The following NUP214 variants were observed in gnomAD, a reference collection of about 807,000 sequenced individuals.
NUP214 encodes the protein nucleoporin 214.
NUP214 carries 79 observed loss-of-function variants against 196.2 expected under a neutral mutation model. That is an observed-to-expected ratio of 0.40 (90% confidence interval 0.34 to 0.49). NUP214 has a LOEUF of 0.49. Ranked by LOEUF, NUP214 falls within the 20% of genes least tolerant of loss-of-function variation. The probability of loss-of-function intolerance (pLI) is 0.58; values close to 1 mark genes in which losing one functional copy is unlikely to be tolerated. For missense variants in NUP214, 2,468 were observed against 2,539.0 expected (o/e 0.97, Z 0.60); for synonymous variants, 1,020 against 990.5 (o/e 1.03, Z -0.56).
chr9:131,136,425 G>A (rs770887109), intron 9 of NUP214: 5 of 159,054 alleles, frequency 3.1e-5, no homozygotes, highest in Admixed American at 6.0e-5. Context: ...GGAGAAACAC[G>A]GGTGTCAGAC....
intron 8 of NUP214, 158 bp downstream of exon 8, chr9:131,135,162 TCA>T: frequency 1.8e-6 from 1 of 554,888 alleles, no homozygotes; most frequent in Non-Finnish European, 3.2e-6. Flanking sequence ...CGATTGTAGC[TCA>T]CAGAAGCCTG....
rs564551178 is a variant in NUP214 at position 131,187,267 on chromosome 9, G to A, written c.3420-22G>A. The A allele has an allele frequency of 5.6e-6, 9 of 1,606,768 alleles. No homozygotes were observed. In the African/African-American group the frequency reaches 8.0e-5, roughly 14 times the overall value. On this transcript the variant is annotated intron_variant, in intron 24 of 35. Coordinates refer to ENST00000359428, the MANE Select transcript of NUP214 (RefSeq NM_005085.4). Reference sequence around the variant, plus strand: ...TACCTAGTCATGCCTTTCTCTGAGTGTATGCTTTGTGTGTTTTTCAGTTCT... The same window carrying A: ...TACCTAGTCATGCCTTTCTCTGAGTATATGCTTTGTGTGTTTTTCAGTTCT...
chr9:131,200,358 T>C (rs959384204), intron 29 of NUP214, among the ~76,000 whole-genome samples: 3 of 152,316 alleles, frequency 2.0e-5, no homozygotes, highest in Non-Finnish European at 1.5e-5. Flanking sequence ...GGGGAATCAC[T>C]TGAGGTCAGG....
chr9:131,181,337 T>A (rs1159308411), intron 24 of NUP214, among the ~76,000 whole-genome samples: 1 of 152,170 alleles, frequency 6.6e-6, no homozygotes, highest in Non-Finnish European at 1.5e-5. Context: ...CAGTGTCTGT[T>A]TGAGTCCCTG....
intron 1 of NUP214, chr9:131,126,443 T>C (rs894771839): frequency 6.6e-6 from 1 of 152,242 alleles, no homozygotes; most frequent in African/African-American, 2.4e-5. Context: ...CTACATCTGT[T>C]TTAAATAGTG....
Position 131,189,131 on chromosome 9 carries a change from G to A in NUP214, c.3574G>A (p.Gly1192Arg). The stretch of plus-strand genomic sequence containing the variant: ...GTTATCATCTGGTGACAAAGCTTCA[G>A]GTCAGTTTGCATTTTTGTTTTCTTG... ...GQLSSGDKAS[G>R]TAKIETAVTS... Residue 1192 changes from glycine (G) to arginine (R), a missense_variant and splice_region_variant, in exon 26 of 36, where the codon GGG becomes AGG. Physicochemically the swap from Gly to Arg is moderately radical, Grantham distance 125. Coordinates refer to ENST00000359428, the MANE Select transcript of NUP214 (RefSeq NM_005085.4). 1 of 1,613,656 alleles carries A rather than the reference G, an allele frequency of 6.2e-7. No homozygotes were observed. The highest frequency in any genetic ancestry group is 8.5e-7 in the Non-Finnish European group (1 of 1,179,662).
At chr9:131,231,055 G>A (rs569429692) in intron 34 of NUP214, among the ~76,000 whole-genome samples, 20 of 152,228 alleles carry the variant, frequency 1.3e-4, no homozygotes, top group African/African-American at 4.3e-4. Context: ...CCAGCTACTC[G>A]GGAGGCTGAA....
chr9:131,228,456 C>A, intron 33 of NUP214, 125 bp downstream of exon 33: 2 of 882,430 alleles, frequency 2.3e-6, no homozygotes, highest in South Asian at 2.0e-5. Context: ...AATTTGTGAA[C>A]AACTCCCTCA....
At position 131,203,849 on chromosome 9, in the gene NUP214, T is replaced by C. The variant is rs114482263; in HGVS notation, c.5592+2132T>C. Among the ~76,000 whole-genome samples the C allele has an allele frequency of 4.5e-3, 681 of 152,324 alleles. 8 individuals carry two copies. The highest frequency in any genetic ancestry group is 0.016 in the African/African-American group (662 of 41,574). On this transcript the variant is annotated intron_variant, in intron 30 of 35. Transcript: ENST00000359428. Reference sequence around the variant, plus strand: ...TGTGCCCTGACAGCATTTACTAATCTGAGAAAATGTGAATTTTCTATTTAA... The same window carrying C: ...TGTGCCCTGACAGCATTTACTAATCCGAGAAAATGTGAATTTTCTATTTAA...
chr9:131,132,929 A>G, intron 6 of NUP214, 177 bp from the exon 7 acceptor site: 3 of 626,256 alleles, frequency 4.8e-6, no homozygotes, highest in Non-Finnish European at 2.8e-6. Flanking sequence ...AAAAATTACC[A>G]TTTGGGGATG....
chr9:131,180,268 A>G (rs914010494), intron 24 of NUP214, among the ~76,000 whole-genome samples: 1 of 152,236 alleles, frequency 6.6e-6, no homozygotes. Flanking sequence ...GAAATGTAGA[A>G]GCATTCCTTT....
intron 18 of NUP214, among the ~76,000 whole-genome samples, chr9:131,160,046 G>A (rs536679149): frequency 1.9e-4 from 29 of 152,110 alleles, no homozygotes; most frequent in African/African-American, 6.3e-4. Context: ...AAAGGTACAG[G>A]AGTGGCTAAA....
intron 15 of NUP214, 32 bp from the exon 16 acceptor site, chr9:131,150,584 A>T: frequency 6.2e-7 from 1 of 1,607,222 alleles, no homozygotes; most frequent in Non-Finnish European, 8.5e-7. Flanking sequence ...TGTCCTTCAG[A>T]CTGAGTAGTT....
intron 4 of NUP214, among the ~76,000 whole-genome samples, chr9:131,130,139 T>TTTTTTTTTTG (rs1831493966): frequency 1.0e-5 from 1 of 99,880 alleles, no homozygotes; most frequent in Non-Finnish European, 2.1e-5. Flanking sequence ...CTGGTTTTGT[T>TTTTTTTTTTG]TTTTTTTTTT....
At chr9:131,173,939 A>G (rs1833027476) in intron 21 of NUP214, 116 bp from the exon 22 acceptor site, 2 of 1,325,188 alleles carry the variant, frequency 1.5e-6, no homozygotes, top group East Asian at 4.8e-5. Flanking sequence ...AAAATAAGTA[A>G]TAATTAAATC....
intron 30 of NUP214, among the ~76,000 whole-genome samples, chr9:131,212,279 T>C (rs1413590893): frequency 2.0e-5 from 3 of 152,206 alleles, no homozygotes; most frequent in Non-Finnish European, 4.4e-5. Context: ...GACATGAAAC[T>C]TCATCAGCAA....
At chr9:131,221,025 C>G (rs1199429425) in intron 31 of NUP214, among the ~76,000 whole-genome samples, 1 of 152,194 alleles carries the variant, frequency 6.6e-6, no homozygotes, top group East Asian at 1.9e-4. Flanking sequence ...ATTGCTAGCA[C>G]TAACAAAGTG....
At chr9:131,132,881 A>T in intron 6 of NUP214, 1 of 620,134 alleles carries the variant, frequency 1.6e-6, no homozygotes, top group Admixed American at 3.1e-5. Context: ...ACTTTTTATT[A>T]CAATTCTTCA....
intron 21 of NUP214, among the ~76,000 whole-genome samples, chr9:131,170,803 C>CATT (rs3057994): frequency 0.74 from 109,424 of 148,094 alleles, 40,513 homozygotes; most frequent in Admixed American, 0.79. Context: ...TTATTATTAT[C>CATT]ATTATTATTA....
Sources: allele counts gnomAD v4.1 joint callset (sites outside exome capture counted in the v4.1 genomes callset), GRCh38; gene constraint gnomAD v4.1.1; transcripts MANE v1.5; gene names NCBI Gene and HGNC (gene_info 2026-07-23, HGNC 2026-07-21).